PCDHA2: variants seen among roughly 807,000 people sequenced by gnomAD.
PCDHA2 encodes the protein protocadherin alpha-2.
Under a neutral mutation model 66.0 loss-of-function variants are expected in PCDHA2, and 58 were observed. The observed-to-expected ratio is 0.88, with a 90% confidence interval of 0.71 to 1.09. PCDHA2 has a LOEUF of 1.09. Among genes scored for constraint, PCDHA2 ranks in the 50% least tolerant of loss-of-function variants. PCDHA2 has a pLI of 0.00. For synonymous variants in PCDHA2, 634 were observed against 554.0 expected, an observed-to-expected ratio of 1.14 and a Z score of -2.03; for missense variants, 1,267 against 1,242.3, an observed-to-expected ratio of 1.02 and a Z score of -0.30.
At chr5:140,829,476 T>C in intron 1 of PCDHA2, 1 of 1,613,798 alleles carries the variant, frequency 6.2e-7, no homozygotes, top group South Asian at 1.1e-5. Flanking sequence ...GAGTACACAG[T>C]GTTCGTGAAG....
intron 1 of PCDHA2, among the ~76,000 whole-genome samples, chr5:140,875,100 G>C (rs558585314): frequency 6.6e-6 from 1 of 152,124 alleles, no homozygotes; most frequent in Non-Finnish European, 1.5e-5. Context: ...TTGATGTTTT[G>C]TTACTAATAT....
At chr5:141,005,953 A>G (rs1036085493) in intron 3 of PCDHA2, among the ~76,000 whole-genome samples, 1 of 152,052 alleles carries the variant, frequency 6.6e-6, no homozygotes, top group Non-Finnish European at 1.5e-5. Context: ...TCTCTAACAA[A>G]CAACAATAAA....
chr5:140,848,575 G>A lies in PCDHA2; in HGVS notation c.2388+51223G>A, dbSNP rs1554142211. 6 of 1,595,558 alleles carry A rather than the reference G, an allele frequency of 3.8e-6. 1 individual carries two copies. In the East Asian group the frequency reaches 1.3e-4, roughly 36 times the overall value. ...CTGATCCTCGCAATGTGGGTGGTGG[G>A]GAGCGGCCAGCTCCACTACTCCGTC... On this transcript the variant is annotated intron_variant, in intron 1 of 3. Coordinates refer to ENST00000526136, the MANE Select transcript of PCDHA2 (RefSeq NM_018905.3).
intron 1 of PCDHA2, chr5:140,806,907 C>T (rs1449170293): frequency 2.1e-6 from 1 of 474,862 alleles, no homozygotes; most frequent in Non-Finnish European, 3.7e-6. Context: ...TCCGAAACGA[C>T]TGAAATAATA....
intron 1 of PCDHA2, among the ~76,000 whole-genome samples, chr5:140,922,316 A>T (rs983729529): frequency 6.6e-6 from 1 of 152,248 alleles, no homozygotes; most frequent in Non-Finnish European, 1.5e-5. Flanking sequence ...TTCACTGAAG[A>T]TCTTGGAAAG....
intron 1 of PCDHA2, chr5:140,841,867 G>A (rs2150324495): frequency 2.5e-6 from 4 of 1,613,836 alleles, no homozygotes; most frequent in Non-Finnish European, 3.4e-6. Flanking sequence ...TGCTAGATGT[G>A]AATTCAAAGA....
intron 1 of PCDHA2, among the ~76,000 whole-genome samples, chr5:140,960,257 C>T (rs1554224600): frequency 6.6e-6 from 1 of 152,186 alleles, no homozygotes; most frequent in African/African-American, 2.4e-5. Flanking sequence ...CCTGGAGCTT[C>T]TGATAAATTC....
At position 140,854,145 on chromosome 5, in the gene PCDHA2, G is replaced by T. The variant is rs1403834220; in HGVS notation, c.2388+56793G>T. ...CAACTGCATTTCAGCCCGGGTGACA[G>T]CAAGATTCTGTCTCAAAAAAAAAAA... On this transcript the variant is annotated intron_variant, in intron 1 of 3. Coordinates refer to ENST00000526136, the MANE Select transcript of PCDHA2 (RefSeq NM_018905.3). The T allele has an allele frequency of 1.6e-5, 7 of 435,310 alleles. 1 individual carries two copies. The highest frequency in any genetic ancestry group is 2.0e-5 in the Non-Finnish European group (7 of 352,084). The allele number at this position is 435,310 out of a possible 1,614,324, so 27.0% of individuals were successfully genotyped here.
chr5:140,993,342 C>T (rs1554253606), intron 3 of PCDHA2, among the ~76,000 whole-genome samples: 1 of 151,994 alleles, frequency 6.6e-6, no homozygotes, highest in African/African-American at 2.4e-5. Flanking sequence ...TTGAAGGGCA[C>T]TACGAAGATC....
At chr5:140,977,671 A>G (rs2096770792) in intron 1 of PCDHA2, among the ~76,000 whole-genome samples, 1 of 152,178 alleles carries the variant, frequency 6.6e-6, no homozygotes, top group South Asian at 2.1e-4. Flanking sequence ...CTGCATGCCA[A>G]ATATCATGTA....
intron 1 of PCDHA2, chr5:140,836,594 C>G (rs2150264886): frequency 4.3e-6 from 7 of 1,613,766 alleles, no homozygotes; most frequent in Non-Finnish European, 4.2e-6. Context: ...TGGTAAAGCC[C>G]ACTCTGGTGT....
intron 1 of PCDHA2, among the ~76,000 whole-genome samples, chr5:140,932,118 A>C (rs2088050775): frequency 6.6e-6 from 1 of 151,946 alleles, no homozygotes; most frequent in African/African-American, 2.4e-5. Flanking sequence ...CCAATTGATA[A>C]TATTTAAGAT....
intron 1 of PCDHA2, among the ~76,000 whole-genome samples, chr5:140,840,023 C>T (rs1776518555): frequency 6.6e-6 from 1 of 151,996 alleles, no homozygotes; most frequent in African/African-American, 2.4e-5. Flanking sequence ...CTCATGGTCA[C>T]GTAGCGTATC....
chr5:140,877,668 C>T, intron 1 of PCDHA2: 1 of 1,613,568 alleles, frequency 6.2e-7, no homozygotes, highest in Non-Finnish European at 8.5e-7. Context: ...TGAGCCGGTG[C>T]GCGCCGGGCA....
At chr5:140,870,239 G>C (rs781847723) in intron 1 of PCDHA2, 6 of 1,614,134 alleles carry the variant, frequency 3.7e-6, no homozygotes, top group Non-Finnish European at 4.2e-6. Flanking sequence ...CGTGACTCAG[G>C]TGTCAACGGA....
At chr5:140,985,138 C>T (rs972329850) in intron 3 of PCDHA2, among the ~76,000 whole-genome samples, 3 of 152,016 alleles carry the variant, frequency 2.0e-5, no homozygotes, top group Non-Finnish European at 2.9e-5. Flanking sequence ...GGGGTTTCAC[C>T]GTGTTAGCCA....
Position 140,851,540 on chromosome 5 carries a change from T to C in PCDHA2, c.2388+54188T>C, listed in dbSNP as rs374686932. 3.9e-5 allele frequency: 35 copies of C among 908,070 alleles called. 3 individuals carry two copies. The East Asian group carries it at 1.2e-3, about 30-fold the overall frequency. 56.3% of individuals were successfully genotyped at this position (908,070 alleles called of 1,614,324 possible). A position where few individuals can be genotyped will look rare whatever the true frequency, so the allele number is the denominator to read the frequency against. On this transcript the variant is annotated intron_variant, in intron 1 of 3. Coordinates refer to ENST00000526136, the MANE Select transcript of PCDHA2 (RefSeq NM_018905.3). ...TTAAAATGCCTGACAATGTAGATAA[T>C]TCAAGAAATGTTGACTGAAATTTTG...
chr5:140,850,782 G>A (rs1485656675), intron 1 of PCDHA2: 2 of 1,598,136 alleles, frequency 1.3e-6, no homozygotes, highest in African/African-American at 1.3e-5. Flanking sequence ...CTCTGGCGAG[G>A]GTAAGCAGAA....
chr5:140,999,614 A>G (rs572897182), intron 3 of PCDHA2, among the ~76,000 whole-genome samples: 1 of 152,302 alleles, frequency 6.6e-6, no homozygotes, highest in African/African-American at 2.4e-5. Flanking sequence ...GGACCTTATC[A>G]ACCAGGAAAC....
Sources: allele counts gnomAD v4.1 joint callset (sites outside exome capture counted in the v4.1 genomes callset), GRCh38; gene constraint gnomAD v4.1.1; transcripts MANE v1.5; gene names NCBI Gene and HGNC (gene_info 2026-07-23, HGNC 2026-07-21).